IL20RB: variants seen among roughly 807,000 people sequenced by gnomAD.
IL20RB encodes the protein interleukin-20 receptor subunit beta.
In IL20RB, 21 loss-of-function variants were observed where a neutral mutation model predicts 33.3. The observed-to-expected ratio is 0.63, with a 90% CI of 0.45 to 0.91. The LOEUF (loss-of-function observed/expected upper bound fraction) is 0.91, where lower values mean the gene tolerates loss of function less well. Ranked by LOEUF, IL20RB falls within the 40% of genes least tolerant of loss-of-function variation. The pLI, the probability that IL20RB is intolerant of heterozygous loss-of-function variation, is 0.00. For synonymous variants in IL20RB, 147 were observed against 146.8 expected (o/e 1.00, Z -0.01); for missense variants, 345 against 384.8 (o/e 0.90, Z 0.86).
chr3:136,959,585 G>A (rs1057206382), intron 1 of IL20RB: 4 of 152,252 alleles, frequency 2.6e-5, no homozygotes, highest in Admixed American at 6.5e-5. Flanking sequence ...TGAATGAGAA[G>A]AGGAAAGCCC....
chr3:136,982,372 A>T (rs768081482), intron 3 of IL20RB, 22 bp downstream of exon 3: 1 of 1,511,230 alleles, frequency 6.6e-7, no homozygotes, highest in South Asian at 1.2e-5. Context: ...CTCTCCTTAC[A>T]CTCCCACCCC....
intron 1 of IL20RB, among the ~76,000 whole-genome samples, chr3:136,971,040 G>A (rs1402283700): frequency 6.6e-6 from 1 of 152,182 alleles, no homozygotes; most frequent in Non-Finnish European, 1.5e-5. Flanking sequence ...GGGTACTTAG[G>A]AGAGTCATCA....
intron 6 of IL20RB, among the ~76,000 whole-genome samples, chr3:137,004,256 T>C (rs192475365): frequency 6.6e-6 from 1 of 152,358 alleles, no homozygotes; most frequent in East Asian, 1.9e-4. Flanking sequence ...CAGGCTTTGA[T>C]ATCAGGATGA....
chr3:136,971,092 T>C (rs1941469892), intron 1 of IL20RB, among the ~76,000 whole-genome samples: 1 of 152,220 alleles, frequency 6.6e-6, no homozygotes, highest in Non-Finnish European at 1.5e-5. Context: ...ATAACCCTAG[T>C]CTGCTATCAG....
In IL20RB at chr3:136,982,302, C is replaced by T. The variant is rs1378529644; in HGVS notation, c.358C>T (p.Gln120Ter). The T allele has an allele frequency of 1.2e-6, 2 of 1,609,402 alleles. No homozygotes were observed. Among genetic ancestry groups the T allele is most frequent in the Admixed American group, 3.3e-5 (2 of 59,902 alleles). Reference sequence around the variant, plus strand: ...TCGTGTCAGGGCCACATTGGGCTCACAGACCTCAGCCTGGAGCATCCTGAA... The same window carrying T: ...TCGTGTCAGGGCCACATTGGGCTCATAGACCTCAGCCTGGAGCATCCTGAA... ...NLRVRATLGS[Q>*]TSAWSILKHP... Residue 120 changes from glutamine (Q) to a stop codon, truncating the protein, a stop_gained, in exon 3 of 7, where the codon CAG becomes TAG. Transcript: ENST00000329582. LOFTEE classifies it high-confidence loss of function.
chr3:136,958,258 G>A (rs1261343152), intron 1 of IL20RB, 57 bp downstream of exon 1: 6 of 1,042,242 alleles, frequency 5.8e-6, no homozygotes, highest in South Asian at 2.6e-5. Context: ...GGTTAAGAAG[G>A]CAAAAAATAC....
intron 3 of IL20RB, among the ~76,000 whole-genome samples, chr3:136,986,092 A>G (rs764843783): frequency 6.6e-6 from 1 of 152,144 alleles, no homozygotes; most frequent in Non-Finnish European, 1.5e-5. Flanking sequence ...CGTCGCCTGT[A>G]GTCCCAGCTA....
At chr3:136,958,911 TTCTCTCTCTC>T (rs3077025) in intron 1 of IL20RB, among the ~76,000 whole-genome samples, 3 of 150,008 alleles carry the variant, frequency 2.0e-5, no homozygotes, top group Admixed American at 6.6e-5. Flanking sequence ...CTTGAGTACT[TTCTCTCTCTC>T]TCTCTCTCTC....
intron 5 of IL20RB, among the ~76,000 whole-genome samples, chr3:136,992,741 A>G (rs1021615873): frequency 4.6e-5 from 7 of 151,872 alleles, no homozygotes; most frequent in African/African-American, 1.7e-4. Flanking sequence ...TAGTATATTT[A>G]TTTATTTATT....
At chr3:136,994,677 C>T (rs1003135061) in intron 5 of IL20RB, among the ~76,000 whole-genome samples, 4 of 152,190 alleles carry the variant, frequency 2.6e-5, no homozygotes, top group East Asian at 1.9e-4. Flanking sequence ...GTCCCCTCTT[C>T]TGCATCTCCA....
chr3:137,004,522 A>G (rs574251428), intron 6 of IL20RB, among the ~76,000 whole-genome samples: 3 of 152,148 alleles, frequency 2.0e-5, no homozygotes, highest in South Asian at 4.1e-4. Context: ...GAATTTATCC[A>G]TTTCTTCTAG....
intron 1 of IL20RB, among the ~76,000 whole-genome samples, chr3:136,969,720 A>G (rs189638248): frequency 8.5e-5 from 13 of 152,190 alleles, no homozygotes; most frequent in Non-Finnish European, 1.9e-4. Flanking sequence ...CTATTCGGCC[A>G]TCTTGGCTCC....
At position 137,002,619 on chromosome 3, in the gene IL20RB, T is replaced by G. The variant is rs180768763; in HGVS notation, c.825+7063T>G. On this transcript the variant is annotated intron_variant, in intron 6 of 6. Transcript: ENST00000329582. ...TATCCTTTGCCCACTTTTTGATGGT[T>G]TTTTTTTTCTTGTAAATTTGTTTGA... Among the ~76,000 whole-genome samples the G allele has an allele frequency of 6.4e-3, 965 of 150,498 alleles. 10 individuals carry two copies. Among genetic ancestry groups the G allele is most frequent in the African/African-American group, 0.022 (918 of 41,242 alleles).
chr3:136,975,771 C>A (rs968446480), intron 1 of IL20RB, among the ~76,000 whole-genome samples: 12 of 152,174 alleles, frequency 7.9e-5, no homozygotes, highest in Admixed American at 2.6e-4. Flanking sequence ...GGTCTACAGG[C>A]CCCAATTGTG....
chr3:136,979,186 G>C (rs1456449072), intron 1 of IL20RB, among the ~76,000 whole-genome samples: 1 of 152,170 alleles, frequency 6.6e-6, no homozygotes, highest in Non-Finnish European at 1.5e-5. Context: ...GGGTCAGGAA[G>C]ACTGCCTTGT....
At chr3:136,987,727 C>A (rs910261924) in intron 3 of IL20RB, among the ~76,000 whole-genome samples, 1 of 152,230 alleles carries the variant, frequency 6.6e-6, no homozygotes, top group Non-Finnish European at 1.5e-5. Context: ...TCCCGAGCCA[C>A]GCCCCACGGG....
At chr3:136,974,241 TACTTTCA>T (rs1316692218) in intron 1 of IL20RB, among the ~76,000 whole-genome samples, 1 of 152,212 alleles carries the variant, frequency 6.6e-6, no homozygotes, top group Non-Finnish European at 1.5e-5. Context: ...ATGAGTTTTA[TACTTTCA>T]TGTGATTTCA....
chr3:136,982,175 G>A lies in IL20RB; in HGVS notation c.231G>A (p.Leu77=), dbSNP rs2108199460. 1 of 1,586,878 alleles carries A rather than the reference G, an allele frequency of 6.3e-7. No individual in the cohort carries two copies. The highest frequency in any genetic ancestry group is 2.3e-5 in the East Asian group (1 of 44,060). ...TCTTTGACAGGGAGTACGAGAGCCT[G>A]TACACGAGCCACATCTGGATCCCCA... ...SVEYQGEYES[L]YTSHIWIPSS... Residue 77 remains leucine (L), a synonymous_variant, in exon 3 of 7, where the codon CTG becomes CTA. Transcript: ENST00000329582.
At chr3:136,971,764 C>G (rs1253254370) in intron 1 of IL20RB, among the ~76,000 whole-genome samples, 1 of 152,062 alleles carries the variant, frequency 6.6e-6, no homozygotes, top group Non-Finnish European at 1.5e-5. Flanking sequence ...GATTTCATAT[C>G]TTTGCTATTG....
Sources: gnomAD v4.1 joint callset for allele counts (sites outside exome capture counted in the v4.1 genomes callset) on GRCh38, gnomAD v4.1.1 for gene constraint, MANE v1.5 for transcripts, NCBI Gene and HGNC (gene_info 2026-07-23, HGNC 2026-07-21) for gene names.